Variants in PLEKHA7 observed in about 807,000 individuals in gnomAD.
PLEKHA7 encodes pleckstrin homology domain containing A7.
In PLEKHA7, 104 loss-of-function variants were observed where a neutral mutation model predicts 170.0. The observed-to-expected ratio is 0.61, with a 90% CI of 0.52 to 0.72. The LOEUF is 0.72. PLEKHA7 is among the 30% of genes least tolerant of loss of function. The probability of loss-of-function intolerance (pLI) is 0.00; values close to 1 mark genes in which losing one functional copy is unlikely to be tolerated. For missense variants in PLEKHA7, 1,615 were observed against 1,671.7 expected (o/e 0.97, Z 0.59); for synonymous variants, 648 against 660.8 (o/e 0.98, Z 0.30).
chr11:16,872,055 G>A (rs983914673), intron 3 of PLEKHA7, among the ~76,000 whole-genome samples: 7 of 144,836 alleles, frequency 4.8e-5, no homozygotes, highest in Middle Eastern at 7.0e-3. Context: ...AGCAACTTCC[G>A]CCTCCTGGGT....
intron 3 of PLEKHA7, among the ~76,000 whole-genome samples, chr11:16,937,758 A>T (rs1398211584): frequency 6.6e-6 from 1 of 151,914 alleles, no homozygotes; most frequent in African/African-American, 2.4e-5. Context: ...ACAGGCATGC[A>T]CCACCATGCC....
intron 3 of PLEKHA7, among the ~76,000 whole-genome samples, chr11:16,948,690 C>G (rs1861214419): frequency 6.6e-6 from 1 of 152,058 alleles, no homozygotes; most frequent in Non-Finnish European, 1.5e-5. Context: ...CCCTCAGCTT[C>G]TCTTGCAAGT....
chr11:16,925,075 G>C (rs2136278948), intron 3 of PLEKHA7, among the ~76,000 whole-genome samples: 1 of 152,038 alleles, frequency 6.6e-6, no homozygotes, highest in African/African-American at 2.4e-5. Context: ...TGCACACTTG[G>C]CGGAACGCTT....
intron 4 of PLEKHA7, among the ~76,000 whole-genome samples, chr11:16,864,533 G>C (rs935845130): frequency 6.6e-6 from 1 of 152,146 alleles, no homozygotes; most frequent in Non-Finnish European, 1.5e-5. Flanking sequence ...TCTTGAATTT[G>C]TAGCTGCCAT....
At chr11:16,834,310 T>A (rs1851345715) in intron 9 of PLEKHA7, among the ~76,000 whole-genome samples, 1 of 152,112 alleles carries the variant, frequency 6.6e-6, no homozygotes. Context: ...CTGGCCACCC[T>A]TAATAAATAT....
chr11:16,930,047 T>A (rs931611784), intron 3 of PLEKHA7, among the ~76,000 whole-genome samples: 1 of 152,024 alleles, frequency 6.6e-6, no homozygotes, highest in Admixed American at 6.5e-5. Context: ...TGTGCTGGGA[T>A]ATTTTGGGGA....
intron 9 of PLEKHA7, among the ~76,000 whole-genome samples, chr11:16,831,305 CCT>C (rs1012973519): frequency 6.6e-6 from 1 of 152,096 alleles, no homozygotes; most frequent in Non-Finnish European, 1.5e-5. Context: ...TGGTATTCTC[CCT>C]GTCTCCTTGC....
chr11:16,892,029 C>G (rs1027245572), intron 3 of PLEKHA7, among the ~76,000 whole-genome samples: 8 of 152,198 alleles, frequency 5.3e-5, no homozygotes, highest in Non-Finnish European at 1.2e-4. Context: ...GTCACAGAGT[C>G]TCTGAACATC....
chr11:16,847,021 C>T (rs961475040), intron 8 of PLEKHA7, among the ~76,000 whole-genome samples: 22 of 149,228 alleles, frequency 1.5e-4, no homozygotes, highest in African/African-American at 5.4e-4. Context: ...TGACTCTGAG[C>T]AGAGAACTGA....
chr11:17,001,221 A>G (rs1414813309), intron 3 of PLEKHA7, among the ~76,000 whole-genome samples: 1 of 152,126 alleles, frequency 6.6e-6, no homozygotes, highest in African/African-American at 2.4e-5. Flanking sequence ...GGGCAGAAAC[A>G]GTGAGCTTCA....
intron 3 of PLEKHA7, among the ~76,000 whole-genome samples, chr11:16,981,611 A>G (rs1269146062): frequency 6.6e-6 from 1 of 151,810 alleles, no homozygotes; most frequent in Non-Finnish European, 1.5e-5. Context: ...TTTTCCCCCA[A>G]GAGGCTGCTA....
intron 3 of PLEKHA7, among the ~76,000 whole-genome samples, chr11:17,002,989 CTTTTT>C (rs568718448): frequency 8.8e-6 from 1 of 113,014 alleles, no homozygotes; most frequent in Admixed American, 9.7e-5. Context: ...ATAGTTGTGC[CTTTTT>C]TTTTTTTTTT....
At chr11:16,810,189 T>C (rs1245632201) in intron 13 of PLEKHA7, among the ~76,000 whole-genome samples, 1 of 152,102 alleles carries the variant, frequency 6.6e-6, no homozygotes, top group African/African-American at 2.4e-5. Context: ...TTGCTTTGGG[T>C]TTTAGATACT....
Position 16,906,268 on chromosome 11 carries a change from AAGGAAGGAAGG to A in PLEKHA7, c.222-35097_222-35087del, listed in dbSNP as rs1565098293. Among the ~76,000 whole-genome samples, 16 of 122,024 alleles carry A rather than the reference AAGGAAGGAAGG, an allele frequency of 1.3e-4. No individual in the cohort carries two copies. In the South Asian group the frequency reaches 1.3e-3, roughly 10 times the overall value. 80.1% of individuals were successfully genotyped at this position (122,024 alleles called of 152,430 possible). A position where few individuals can be genotyped will look rare whatever the true frequency, so the allele number is the denominator to read the frequency against. On this transcript the variant is annotated intron_variant, in intron 3 of 26. Coordinates refer to ENST00000531066, the MANE Select transcript of PLEKHA7 (RefSeq NM_001329630.2). ...GAAGGAAGGAAGGAAGGAAGGAAGGAAGGAAGGAAGGAAAGAAAGAAAATTGGAAAGGCTCC... is the reference window on the plus strand; with the variant it reads ...GAAGGAAGGAAGGAAGGAAGGAAGGAAAAGAAAGAAAATTGGAAAGGCTCC...
chr11:16,898,034 T>C (rs1197401313), intron 3 of PLEKHA7, among the ~76,000 whole-genome samples: 1 of 152,158 alleles, frequency 6.6e-6, no homozygotes, highest in African/African-American at 2.4e-5. Context: ...TTTTTTTTTC[T>C]GACTGATGGA....
intron 3 of PLEKHA7, among the ~76,000 whole-genome samples, chr11:17,010,314 C>A (rs1486337472): frequency 2.6e-5 from 4 of 151,942 alleles, no homozygotes; most frequent in Non-Finnish European, 5.9e-5. Flanking sequence ...TCACTTGAAC[C>A]CAAGAGGCAG....
At chr11:16,795,228 T>C (rs1383182526) in intron 17 of PLEKHA7, 18 of 552,234 alleles carry the variant, frequency 3.3e-5, no homozygotes, top group Non-Finnish European at 5.8e-5. Flanking sequence ...AATTTCAGAG[T>C]AGCTTTCAGC....
intron 9 of PLEKHA7, among the ~76,000 whole-genome samples, chr11:16,837,958 T>C (rs541873680): frequency 2.5e-4 from 38 of 152,108 alleles, no homozygotes; most frequent in African/African-American, 6.7e-4. Context: ...GAGAAACCTA[T>C]TGGGTGATCT....
At position 16,841,562 on chromosome 11, in the gene PLEKHA7, C is replaced by G; in HGVS notation, c.857G>C (p.Arg286Pro). Residue 286 changes from arginine (R) to proline (P), a missense_variant, in exon 9 of 27, where the codon CGA becomes CCA. By Grantham distance (103) the Arg-to-Pro change is moderately radical. Coordinates refer to ENST00000531066, the MANE Select transcript of PLEKHA7 (RefSeq NM_001329630.2). ...CAGAACTAACCTCTTCAGTGACGAT[C>G]GAGACAGCACCTGTGCAGCCTGGTT... is the stretch of plus-strand genomic sequence containing the variant. Reference protein sequence around the residue: ...AMNQAAQVLSRSSLKRDMEKV... With the variant: ...AMNQAAQVLSPSSLKRDMEKV... 3.1e-6 allele frequency: 5 copies of G among 1,613,428 alleles called. No individual in the cohort carries two copies. The highest frequency in any genetic ancestry group is 4.2e-6 in the Non-Finnish European group (5 of 1,179,932).
Sources: gnomAD v4.1 joint callset for allele counts (sites outside exome capture counted in the v4.1 genomes callset) on GRCh38, gnomAD v4.1.1 for gene constraint, MANE v1.5 for transcripts, NCBI Gene and HGNC (gene_info 2026-07-23, HGNC 2026-07-21) for gene names.